The following CPNE4 variants were observed in gnomAD, a reference collection of about 807,000 sequenced individuals.
CPNE4 encodes the protein copine-4.
Under a neutral mutation model 67.9 loss-of-function variants are expected in CPNE4, and 25 were observed. The observed-to-expected ratio is 0.37, with a 90% CI of 0.27 to 0.51. CPNE4 has a LOEUF of 0.51. Ranked by LOEUF, CPNE4 falls within the 20% of genes least tolerant of loss-of-function variation. CPNE4 has a pLI of 0.93. For missense variants in CPNE4, 464 were observed against 690.8 expected (o/e 0.67, Z 3.68); for synonymous variants, 242 against 244.9 (o/e 0.99, Z 0.11).
intron 1 of CPNE4, among the ~76,000 whole-genome samples, chr3:131,959,446 A>G (rs570945162): frequency 3.4e-4 from 52 of 152,278 alleles, no homozygotes; most frequent in African/African-American, 1.2e-3. Flanking sequence ...CAAACACTGT[A>G]CTTTCAGAAA....
At chr3:131,943,484 A>G (rs2071459750) in intron 1 of CPNE4, among the ~76,000 whole-genome samples, 1 of 152,150 alleles carries the variant, frequency 6.6e-6, no homozygotes, top group Non-Finnish European at 1.5e-5. Context: ...AGCAACAGCA[A>G]CTAATGTTTA....
chr3:131,789,313 T>C (rs768268118), intron 2 of CPNE4, among the ~76,000 whole-genome samples: 3 of 152,182 alleles, frequency 2.0e-5, no homozygotes, highest in Non-Finnish European at 4.4e-5. Context: ...GACGCCCTTG[T>C]ACTCTCAGAG....
At chr3:131,871,429 C>G (rs1346308135) in intron 2 of CPNE4, among the ~76,000 whole-genome samples, 1 of 152,116 alleles carries the variant, frequency 6.6e-6, no homozygotes, top group Non-Finnish European at 1.5e-5. Flanking sequence ...ACCGAGAATG[C>G]TCTTCAGAAT....
chr3:132,037,896 A>T (rs1236025428), upstream of CPNE4: 2 of 325,980 alleles, frequency 6.1e-6, no homozygotes, highest in Non-Finnish European at 1.1e-5. Flanking sequence ...GGGGAAAAAC[A>T]GGCAGAGAGT....
intron 3 of CPNE4, among the ~76,000 whole-genome samples, chr3:131,722,099 T>G (rs1056285963): frequency 6.6e-6 from 1 of 152,216 alleles, no homozygotes; most frequent in African/African-American, 2.4e-5. Context: ...TGTCTCTTAG[T>G]GCTCACTGGG....
chr3:131,863,649 G>T (rs1159688360), intron 2 of CPNE4, among the ~76,000 whole-genome samples: 1 of 152,112 alleles, frequency 6.6e-6, no homozygotes, highest in Non-Finnish European at 1.5e-5. Context: ...CTCCTATTTT[G>T]TAGGTTGCCT....
chr3:131,816,553 T>C (rs566094255), intron 2 of CPNE4, among the ~76,000 whole-genome samples: 3 of 152,226 alleles, frequency 2.0e-5, no homozygotes, highest in East Asian at 1.9e-4. Context: ...CCCACCACTT[T>C]TAGGATTGAA....
At chr3:131,880,402 C>T (rs897519446) in intron 2 of CPNE4, among the ~76,000 whole-genome samples, 2 of 152,158 alleles carry the variant, frequency 1.3e-5, no homozygotes, top group African/African-American at 4.8e-5. Context: ...GCGTGAGCCA[C>T]CACCCCCGGC....
intron 2 of CPNE4, among the ~76,000 whole-genome samples, chr3:131,746,830 T>G (rs2082501451): frequency 1.3e-5 from 2 of 152,162 alleles, no homozygotes; most frequent in Non-Finnish European, 2.9e-5. Context: ...TATTTTTAAT[T>G]TTTAAGAAAC....
At chr3:131,759,565 C>T (rs2082839099) in intron 2 of CPNE4, among the ~76,000 whole-genome samples, 1 of 151,812 alleles carries the variant, frequency 6.6e-6, no homozygotes, top group East Asian at 1.9e-4. Context: ...TTAGGCCAAG[C>T]AAGAAAGAAG....
intron 1 of CPNE4, among the ~76,000 whole-genome samples, chr3:131,981,968 G>A (rs985121326): frequency 1.3e-5 from 2 of 152,190 alleles, no homozygotes; most frequent in Non-Finnish European, 2.9e-5. Context: ...TTTCTTCAGA[G>A]GGTCTGTGGG....
At chr3:131,909,719 T>C (rs2088906226) in intron 1 of CPNE4, among the ~76,000 whole-genome samples, 1 of 152,184 alleles carries the variant, frequency 6.6e-6, no homozygotes, top group Non-Finnish European at 1.5e-5. Context: ...CATGTGTCAA[T>C]AGTTGCCCAA....
chr3:131,872,707 T>C (rs932474166), intron 2 of CPNE4, among the ~76,000 whole-genome samples: 1 of 152,204 alleles, frequency 6.6e-6, no homozygotes, highest in African/African-American at 2.4e-5. Context: ...GTTCTCTCTG[T>C]CTCTCTCTTT....
At chr3:131,685,590 TG>T (rs542340896) in intron 6 of CPNE4, among the ~76,000 whole-genome samples, 378 of 152,258 alleles carry the variant, frequency 2.5e-3, no homozygotes, top group Non-Finnish European at 3.6e-3. Context: ...AAGACCAGCC[TG>T]GCCAAGATGG....
intron 5 of CPNE4, among the ~76,000 whole-genome samples, chr3:131,693,950 A>G (rs931900501): frequency 2.6e-5 from 4 of 152,148 alleles, no homozygotes; most frequent in African/African-American, 9.7e-5. Flanking sequence ...TCAGTAAGTC[A>G]TGCCACATCT....
At chr3:131,557,362 T>G (rs1369897424) in intron 11 of CPNE4, among the ~76,000 whole-genome samples, 2 of 152,092 alleles carry the variant, frequency 1.3e-5, no homozygotes, top group Non-Finnish European at 2.9e-5. Context: ...GAAAAAGGGA[T>G]GAGCCCCACT....
intron 2 of CPNE4, among the ~76,000 whole-genome samples, chr3:131,824,868 T>G (rs1302123739): frequency 6.6e-6 from 1 of 152,032 alleles, no homozygotes; most frequent in East Asian, 1.9e-4. Flanking sequence ...AAAATGGGCT[T>G]GATATTCCTG....
intron 7 of CPNE4, among the ~76,000 whole-genome samples, chr3:131,657,017 C>T (rs1237584888): frequency 6.6e-6 from 1 of 152,090 alleles, no homozygotes; most frequent in Non-Finnish European, 1.5e-5. Flanking sequence ...AGAGTGTGAC[C>T]GTAAGCCCTT....
chr3:131,734,977 C>T (rs1462914985), intron 2 of CPNE4, among the ~76,000 whole-genome samples: 1 of 152,130 alleles, frequency 6.6e-6, no homozygotes, highest in Non-Finnish European at 1.5e-5. Flanking sequence ...TCACCTGATT[C>T]CTGGTGCAGT....
Sources: allele counts gnomAD v4.1 joint callset (sites outside exome capture counted in the v4.1 genomes callset), GRCh38; gene constraint gnomAD v4.1.1; transcripts MANE v1.5; gene names NCBI Gene and HGNC (gene_info 2026-07-23, HGNC 2026-07-21).